Variants in TBC1D1 observed in about 807,000 individuals in gnomAD.
TBC1D1 encodes TBC1 domain family member 1.
TBC1D1 carries 89 observed loss-of-function variants against 125.6 expected under a neutral mutation model. That is an observed-to-expected ratio of 0.71 (90% CI 0.60 to 0.85). The LOEUF (loss-of-function observed/expected upper bound fraction) is 0.85. Ranked by LOEUF, TBC1D1 falls within the 40% of genes least tolerant of loss-of-function variation. The pLI is 0.00. For synonymous variants in TBC1D1, 565 were observed against 564.1 expected (o/e 1.00, Z -0.02); for missense variants, 1,377 against 1,469.2 (o/e 0.94, Z 1.03).
At chr4:38,038,974 A>G (rs1363277773) in intron 8 of TBC1D1, among the ~76,000 whole-genome samples, 8 of 151,218 alleles carry the variant, frequency 5.3e-5, no homozygotes, top group Admixed American at 2.0e-4. Flanking sequence ...TCATCCTACC[A>G]GAAAGTAGCC....
intron 2 of TBC1D1, among the ~76,000 whole-genome samples, chr4:37,991,548 G>A (rs951511441): frequency 1.3e-5 from 2 of 152,034 alleles, no homozygotes; most frequent in Admixed American, 1.3e-4. Flanking sequence ...TGCTGAACAC[G>A]AGCATGCAGA....
chr4:38,004,963 A>C (rs1327983849), intron 2 of TBC1D1, among the ~76,000 whole-genome samples: 1 of 152,200 alleles, frequency 6.6e-6, no homozygotes, highest in African/African-American at 2.4e-5. Flanking sequence ...GCAGCAACTT[A>C]ACGAGCCCAG....
At chr4:38,122,423 T>G (rs1314379105) in intron 17 of TBC1D1, among the ~76,000 whole-genome samples, 2 of 152,228 alleles carry the variant, frequency 1.3e-5, no homozygotes, top group Non-Finnish European at 2.9e-5. Flanking sequence ...CCAGTGCCCC[T>G]GCCTTGCCAG....
At chr4:38,053,179 G>A (rs1190461590) in intron 11 of TBC1D1, 3 of 1,533,480 alleles carry the variant, frequency 2.0e-6, no homozygotes, top group Admixed American at 2.1e-5. Flanking sequence ...AAAATTTCTG[G>A]CTCCTGTAGA....
At chr4:37,941,157 C>CT (rs1350191538) in intron 2 of TBC1D1, among the ~76,000 whole-genome samples, 4 of 152,016 alleles carry the variant, frequency 2.6e-5, no homozygotes, top group African/African-American at 9.7e-5. Context: ...TGGTCCTGGC[C>CT]TTTTTTTGGT....
intron 1 of TBC1D1, among the ~76,000 whole-genome samples, chr4:37,891,599 T>C (rs1713297186): frequency 8.0e-6 from 1 of 124,264 alleles, no homozygotes; most frequent in Non-Finnish European, 1.6e-5. Flanking sequence ...ACCCGAGAGC[T>C]CCGCCGGCTT....
intron 2 of TBC1D1, among the ~76,000 whole-genome samples, chr4:37,948,629 A>G: frequency 2.8e-5 from 1 of 36,088 alleles, no homozygotes; most frequent in African/African-American, 1.9e-4. Flanking sequence ...CTCTGTCTCA[A>G]AAAAAAAAAA....
chr4:38,093,519 T>TTCC (rs375345240), intron 13 of TBC1D1, among the ~76,000 whole-genome samples: 18,270 of 145,400 alleles, frequency 0.13, 1,580 homozygotes, highest in East Asian at 0.39. Flanking sequence ...AAGGCCGTTT[T>TTCC]CCCCCCCCTT....
intron 18 of TBC1D1, among the ~76,000 whole-genome samples, chr4:38,131,162 G>C (rs1765523313): frequency 6.6e-6 from 1 of 152,156 alleles, no homozygotes; most frequent in Non-Finnish European, 1.5e-5. Flanking sequence ...GATTAATGGA[G>C]GCCTGGAAGA....
chr4:38,017,744 A>G (rs1355457165), intron 3 of TBC1D1, among the ~76,000 whole-genome samples: 1 of 152,238 alleles, frequency 6.6e-6, no homozygotes, highest in Non-Finnish European at 1.5e-5. Flanking sequence ...TTAGCGCTCC[A>G]GAGACGAGGA....
chr4:37,913,623 G>A (rs145287551), intron 2 of TBC1D1, among the ~76,000 whole-genome samples: 6 of 108,474 alleles, frequency 5.5e-5, no homozygotes, highest in South Asian at 3.2e-4. Context: ...ATATATATAT[G>A]TGTGTATATA....
At chr4:38,107,577 GTTTTTTT>G (rs3038351) in intron 15 of TBC1D1, among the ~76,000 whole-genome samples, 1 of 53,104 alleles carries the variant, frequency 1.9e-5, no homozygotes, top group African/African-American at 8.4e-5. Flanking sequence ...GTCTAAACAG[GTTTTTTT>G]TTTTTTTTTT....
chr4:38,014,744 A>T lies in TBC1D1; in HGVS notation c.653A>T (p.His218Leu). 1 of 952,138 alleles carries T rather than the reference A, an allele frequency of 1.1e-6. No individual in the cohort carries two copies. Among genetic ancestry groups the T allele is most frequent in the Non-Finnish European group, 1.6e-6 (1 of 621,606 alleles). The allele number at this position is 952,138 out of a possible 1,614,324, so 59.0% of individuals were successfully genotyped here. ...GAGAGCCCCCGCCCCAACCCGCCCCATGCCGCGCCCACAGGGAGCCAGGAG... is the reference window on the plus strand; with the variant it reads ...GAGAGCCCCCGCCCCAACCCGCCCCTTGCCGCGCCCACAGGGAGCCAGGAG... Residue 218 changes from histidine (H) to leucine (L), a missense_variant, in exon 3 of 20, where the codon CAT becomes CTT. Around this residue, in one of 3 missense-constraint regions of TBC1D1, gnomAD observed 822 missense variants for 824.6 expected, o/e 1.00. Transcript: ENST00000261439. The surrounding 1 kb of genome is among the most constrained non-coding windows in gnomAD (Gnocchi z 5.1).
At chr4:38,001,997 A>G (rs1037288061) in intron 2 of TBC1D1, among the ~76,000 whole-genome samples, 2 of 152,184 alleles carry the variant, frequency 1.3e-5, no homozygotes, top group Non-Finnish European at 2.9e-5. Context: ...TTCAGGGTCC[A>G]TAGGCTTCAC....
chr4:38,110,583 G>C, intron 15 of TBC1D1: 1 of 985,434 alleles, frequency 1.0e-6, no homozygotes, highest in South Asian at 4.7e-5. Context: ...TCTCCACTTA[G>C]ATCCACAAGA....
intron 10 of TBC1D1, among the ~76,000 whole-genome samples, chr4:38,047,009 C>T (rs372576709): frequency 6.6e-6 from 1 of 152,210 alleles, no homozygotes; most frequent in Admixed American, 6.5e-5. Context: ...GTAAGAAGCA[C>T]ATTTAACATT....
chr4:38,046,195 C>A (rs1036159991), intron 10 of TBC1D1, among the ~76,000 whole-genome samples: 6 of 152,064 alleles, frequency 3.9e-5, no homozygotes, highest in Admixed American at 2.6e-4. Flanking sequence ...GAAACCCCGT[C>A]TCTACTAAAA....
At chr4:37,975,932 G>A (rs1385408049) in intron 2 of TBC1D1, among the ~76,000 whole-genome samples, 1 of 152,028 alleles carries the variant, frequency 6.6e-6, no homozygotes, top group Admixed American at 6.6e-5. Flanking sequence ...CTTGGCAGCT[G>A]GGTGGCTTGC....
chr4:38,080,376 A>G (rs934552561), intron 12 of TBC1D1, among the ~76,000 whole-genome samples: 4 of 152,180 alleles, frequency 2.6e-5, no homozygotes, highest in African/African-American at 7.2e-5. Context: ...GTTACTGCCC[A>G]TGCACTCTCT....
Sources: gnomAD v4.1 joint callset for allele counts (sites outside exome capture counted in the v4.1 genomes callset) on GRCh38, gnomAD v4.1.1 for gene constraint, gnomAD v4.1.1 regional missense constraint, Gnocchi (gnomAD v3.1) non-coding constraint, MANE v1.5 for transcripts, NCBI Gene and HGNC (gene_info 2026-07-23, HGNC 2026-07-21) for gene names.